DHX9: variants seen among roughly 807,000 people sequenced by gnomAD.
DHX9 encodes the protein ATP-dependent RNA helicase A.
In DHX9, 27 loss-of-function variants were observed where a neutral mutation model predicts 148.7. The ratio of observed to expected loss-of-function variants is 0.18; its 90% CI spans 0.13 to 0.25. The LOEUF (loss-of-function observed/expected upper bound fraction) is 0.25, where lower values mean the gene tolerates loss of function less well. Ranked by LOEUF, DHX9 falls within the 10% of genes least tolerant of loss-of-function variation. DHX9 has a pLI of 1.00. For missense variants in DHX9, 796 were observed against 1,559.6 expected, an observed-to-expected ratio of 0.51 and a Z score of 8.25; for synonymous variants, 529 against 516.6, an observed-to-expected ratio of 1.02 and a Z score of -0.33.
chr1:182,849,238 T>C (rs1467631015), intron 3 of DHX9, among the ~76,000 whole-genome samples: 1 of 152,220 alleles, frequency 6.6e-6, no homozygotes, highest in African/African-American at 2.4e-5. Context: ...CAATTGTAGA[T>C]GTGTATAAAA....
rs755515942 is a variant in DHX9 at position 182,887,449 on chromosome 1, A to G, written c.*15A>G. 6.2e-7 allele frequency: 1 copy of G among 1,607,052 alleles called. No homozygotes were observed. The highest frequency in any genetic ancestry group is 8.5e-7 in the Non-Finnish European group (1 of 1,175,616). On this transcript the variant is annotated 3_prime_UTR_variant, in exon 28 of 28. Transcript: ENST00000367549. The stretch of plus-strand genomic sequence containing the variant: ...GCGGCTATTAAAACTTGGTTATGTC[A>G]GTTCCTGTGTGTAGACAGTAAGGAA...
chr1:182,876,359 C>G, intron 17 of DHX9, 88 bp from the exon 18 acceptor site: 3 of 1,559,880 alleles, frequency 1.9e-6, no homozygotes. Context: ...TGTATTGTTT[C>G]TACTTTCGAA....
At chr1:182,875,009 A>G in intron 16 of DHX9, 55 bp downstream of exon 16, 3 of 1,384,340 alleles carry the variant, frequency 2.2e-6, no homozygotes, top group Admixed American at 1.7e-5. Context: ...ATGCAGAGAA[A>G]AAAATGAGTT....
chr1:182,867,700 A>T (rs1350886737), intron 14 of DHX9, among the ~76,000 whole-genome samples: 9 of 151,838 alleles, frequency 5.9e-5, no homozygotes. Flanking sequence ...ATTGTGCCCA[A>T]CCTATAATGT....
chr1:182,867,175 TGA>T (rs1426521923), intron 14 of DHX9, 132 bp downstream of exon 14: 23 of 564,756 alleles, frequency 4.1e-5, no homozygotes, highest in Non-Finnish European at 5.4e-5. Context: ...ACTAAGATGT[TGA>T]AAATCTTTTT....
chr1:182,855,926 A>G (rs1053630781), intron 6 of DHX9, among the ~76,000 whole-genome samples: 4 of 152,168 alleles, frequency 2.6e-5, no homozygotes, highest in Non-Finnish European at 5.9e-5. Flanking sequence ...ATGTTACAAC[A>G]TGTGTTTTGT....
At chr1:182,859,882 G>A in intron 11 of DHX9, 111 bp from the exon 12 acceptor site, 5 of 1,012,116 alleles carry the variant, frequency 4.9e-6, no homozygotes, top group Non-Finnish European at 7.2e-6. Flanking sequence ...GGGATTACAG[G>A]CGTGAGCCAC....
chr1:182,874,855 A>C lies in DHX9; in HGVS notation c.1716A>C (p.Glu572Asp). 1 of 1,609,528 alleles carries C rather than the reference A, an allele frequency of 6.2e-7. No homozygotes were observed. Among genetic ancestry groups the C allele is most frequent in the Non-Finnish European group, 8.5e-7 (1 of 1,177,016 alleles). Reference sequence around the variant, plus strand: ...ACCTGACTGGATTGTCCCTGGCAGAATATTTTCTGGAAGACTGCATTCAGA... The same window carrying C: ...ACCTGACTGGATTGTCCCTGGCAGACTATTTTCTGGAAGACTGCATTCAGA... Reference protein sequence around the residue: ...EVYGRTYPVQEYFLEDCIQMT... With the variant: ...EVYGRTYPVQDYFLEDCIQMT... The change falls in exon 16 of 28, where the codon GAA (glutamate) becomes GAC (aspartate). Residue 572 changes from glutamate to aspartate, a missense_variant and splice_region_variant. By Grantham distance (45) the Glu-to-Asp change is conservative (BLOSUM62 2). Transcript: ENST00000367549.
chr1:182,845,759 T>G (rs1668016815), intron 3 of DHX9, among the ~76,000 whole-genome samples: 1 of 152,216 alleles, frequency 6.6e-6, no homozygotes, highest in South Asian at 2.1e-4. Context: ...GTTAATTTGC[T>G]AGTGTGGCTC....
chr1:182,873,087 C>A (rs1648614720), intron 15 of DHX9, among the ~76,000 whole-genome samples: 1 of 152,114 alleles, frequency 6.6e-6, no homozygotes, highest in Admixed American at 6.6e-5. Flanking sequence ...TCCTGAGTAC[C>A]TGGGACTACA....
In DHX9 at chr1:182,873,392, A is replaced by G. The variant is rs868034195; in HGVS notation, c.1714+899A>G. Among the ~76,000 whole-genome samples the G allele has an allele frequency of 2.6e-5, 4 of 152,346 alleles. No homozygotes were observed. The South Asian group carries it at 8.3e-4, about 32-fold the overall frequency. ...AGAGAAACAGTGTAGACAGATACGA[A>G]GTGATGTTATGGCTATGCCAGCATG... On this transcript the variant is annotated intron_variant, in intron 15 of 27. Coordinates refer to ENST00000367549, the MANE Select transcript of DHX9 (RefSeq NM_001357.5).
At chr1:182,859,970 G>C (rs556101485) in intron 11 of DHX9, 23 bp from the exon 12 acceptor site, 36 of 1,593,390 alleles carry the variant, frequency 2.3e-5, no homozygotes, top group Admixed American at 2.1e-4. Context: ...ACATTTGACT[G>C]AAGTGTGACT....
intron 7 of DHX9, among the ~76,000 whole-genome samples, chr1:182,857,446 G>A (rs952634242): frequency 2.8e-4 from 42 of 152,178 alleles, no homozygotes; most frequent in African/African-American, 9.4e-4. Flanking sequence ...CAGATCCAGC[G>A]TACTGCCTGT....
At chr1:182,863,826 A>G (rs559312820) in intron 12 of DHX9, among the ~76,000 whole-genome samples, 2 of 152,274 alleles carry the variant, frequency 1.3e-5, no homozygotes, top group South Asian at 2.1e-4. Context: ...GTGTACTACA[A>G]GAGTAATACA....
intron 12 of DHX9, among the ~76,000 whole-genome samples, chr1:182,863,911 G>A (rs986360579): frequency 2.0e-5 from 3 of 152,060 alleles, no homozygotes; most frequent in African/African-American, 4.8e-5. Flanking sequence ...GGTGGCTCAC[G>A]CCTGTAATTA....
rs746214090 is a variant in DHX9, at chr1:182,883,128, C to T, written c.2915-11C>T. On this transcript the variant is annotated splice_polypyrimidine_tract_variant and intron_variant, in intron 24 of 27. Coordinates refer to ENST00000367549, the MANE Select transcript of DHX9 (RefSeq NM_001357.5). ...ATCTGATTTTTGTTTTCACTGTGCT[C>T]CTCTTAACAGATTGTTTGTTGACAC... 1.5e-5 allele frequency: 24 copies of T among 1,601,246 alleles called. No individual in the cohort carries two copies. The highest frequency in any genetic ancestry group is 6.0e-6 in the Non-Finnish European group (7 of 1,168,518).
chr1:182,871,167 A>G (rs1246487304), intron 14 of DHX9, among the ~76,000 whole-genome samples: 2 of 152,202 alleles, frequency 1.3e-5, no homozygotes, highest in Non-Finnish European at 2.9e-5. Flanking sequence ...TAGTATAGGA[A>G]TATATAAGCA....
In DHX9 at chr1:182,872,596, A is replaced by G. The variant is rs1571316143; in HGVS notation, c.1714+103A>G. The G allele has an allele frequency of 1.9e-5, 24 of 1,256,628 alleles. No homozygotes were observed. In the East Asian group the frequency reaches 5.6e-4, roughly 29 times the overall value. 77.8% of individuals were successfully genotyped at this position (1,256,628 alleles called of 1,614,324 possible). A position where few individuals can be genotyped will look rare whatever the true frequency, so the allele number is the denominator to read the frequency against. On this transcript the variant is annotated intron_variant, in intron 15 of 27. Coordinates refer to ENST00000367549, the MANE Select transcript of DHX9 (RefSeq NM_001357.5). ...ACAATTTAAAGAATACTTAAAATAC[A>G]GGACAAATTATAGTATCAAATGTAT...
chr1:182,875,289 G>A (rs1648709514), intron 16 of DHX9: 1 of 436,072 alleles, frequency 2.3e-6, no homozygotes, highest in Non-Finnish European at 4.6e-6. Context: ...CAGCATCTGG[G>A]AAACTGGTAG....
Sources: gnomAD v4.1 joint callset for allele counts (sites outside exome capture counted in the v4.1 genomes callset) on GRCh38, gnomAD v4.1.1 for gene constraint, MANE v1.5 for transcripts, NCBI Gene and HGNC (gene_info 2026-07-23, HGNC 2026-07-21) for gene names.